ATL1: variants seen among roughly 807,000 people sequenced by gnomAD.
ATL1 encodes atlastin-1.
Under a neutral mutation model 75.5 loss-of-function variants are expected in ATL1, and 31 were observed. The observed-to-expected ratio is 0.41, with a 90% CI of 0.31 to 0.55. ATL1 has a LOEUF of 0.55. ATL1 is among the 20% of genes least tolerant of loss of function. The pLI is 0.27. For missense variants in ATL1, 405 were observed against 662.6 expected, an observed-to-expected ratio of 0.61 and a Z score of 4.27; for synonymous variants, 226 against 233.3, an observed-to-expected ratio of 0.97 and a Z score of 0.28.
At chr14:50,553,413 T>A (rs115723106) in intron 1 of ATL1, among the ~76,000 whole-genome samples, 2,148 of 151,876 alleles carry the variant, frequency 0.014, 41 homozygotes, top group African/African-American at 0.049. Flanking sequence ...ACAACCTCAT[T>A]CCTGCAGGAA....
At chr14:50,624,483 T>A (rs950936442) in intron 11 of ATL1, among the ~76,000 whole-genome samples, 1 of 152,052 alleles carries the variant, frequency 6.6e-6, no homozygotes, top group Non-Finnish European at 1.5e-5. Context: ...TCGATAAATG[T>A]GTTTTCTGAC....
At chr14:50,574,504 A>G (rs933248260) in intron 1 of ATL1, among the ~76,000 whole-genome samples, 3 of 152,174 alleles carry the variant, frequency 2.0e-5, no homozygotes, top group African/African-American at 7.2e-5. Context: ...AAGAGTAATC[A>G]TCCATTTTCA....
chr14:50,626,015 T>C (rs140887342), intron 11 of ATL1, among the ~76,000 whole-genome samples: 7 of 152,350 alleles, frequency 4.6e-5, no homozygotes, highest in Admixed American at 2.6e-4. Context: ...TACTGAATAC[T>C]TTAAGCCCAC....
At chr14:50,579,380 T>C (rs1168905821) in intron 1 of ATL1, among the ~76,000 whole-genome samples, 1 of 152,226 alleles carries the variant, frequency 6.6e-6, no homozygotes. Flanking sequence ...TTCATTACCA[T>C]AGATTTTAAT....
chr14:50,577,920 G>T (rs1378784613), intron 1 of ATL1, among the ~76,000 whole-genome samples: 3 of 152,094 alleles, frequency 2.0e-5, no homozygotes, highest in African/African-American at 7.2e-5. Flanking sequence ...GCCATTTAGA[G>T]TGTAGCTTTT....
At chr14:50,594,664 G>C (rs2039195312) in intron 5 of ATL1, among the ~76,000 whole-genome samples, 1 of 152,070 alleles carries the variant, frequency 6.6e-6, no homozygotes, top group African/African-American at 2.4e-5. Flanking sequence ...TTATGCTCTG[G>C]GCACAGTATA....
chr14:50,614,228 A>G (rs543016813), intron 7 of ATL1, 145 bp from the exon 8 acceptor site: 1 of 904,780 alleles, frequency 1.1e-6, no homozygotes, highest in Admixed American at 2.1e-5. Context: ...CCCACCCAAG[A>G]CTTTCTTCTT....
At chr14:50,586,802 G>C (rs1158585880) in intron 1 of ATL1, among the ~76,000 whole-genome samples, 1 of 152,050 alleles carries the variant, frequency 6.6e-6, no homozygotes, top group Non-Finnish European at 1.5e-5. Context: ...TGTGAACTTG[G>C]ACCTGTAATC....
intron 7 of ATL1, among the ~76,000 whole-genome samples, chr14:50,613,893 G>C (rs946053630): frequency 1.3e-5 from 2 of 152,184 alleles, no homozygotes; most frequent in Non-Finnish European, 2.9e-5. Context: ...TTTACATAAA[G>C]TGGGAGGTGA....
At chr14:50,602,996 C>T (rs980632969) in intron 6 of ATL1, among the ~76,000 whole-genome samples, 2 of 152,154 alleles carry the variant, frequency 1.3e-5, no homozygotes, top group Admixed American at 6.6e-5. Flanking sequence ...CACACTCCAG[C>T]AGACAGCATC....
chr14:50,624,032 G>GCAA (rs1011920940), intron 11 of ATL1, among the ~76,000 whole-genome samples: 10 of 152,170 alleles, frequency 6.6e-5, no homozygotes, highest in African/African-American at 2.4e-4. Context: ...TCCAGCCTGG[G>GCAA]CAACAGAGCA....
intron 13 of ATL1, chr14:50,630,924 A>G: frequency 2.2e-6 from 1 of 455,830 alleles, no homozygotes; most frequent in South Asian, 1.6e-5. Context: ...ACCAATATAC[A>G]TTCACAGATC....
chr14:50,615,092 A>ATGT lies in ATL1; in HGVS notation c.862+581_862+582insTGT, dbSNP rs1322015527. ...AGAGGACTGATTGTTACATGATTCC[A>ATGT]AAGCAGCTTGACTTGTTAAACAAAC... On this transcript the variant is annotated intron_variant, in intron 8 of 13. Transcript: ENST00000358385. 1.5e-4 allele frequency among the ~76,000 whole-genome samples: 23 copies of ATGT among 152,336 alleles called. No homozygotes were observed. The East Asian group carries it at 4.2e-3, about 28-fold the overall frequency.
At chr14:50,589,155 CTTTTTTTTTTTTTTTT>C (rs34191629) in intron 2 of ATL1, among the ~76,000 whole-genome samples, 1 of 109,428 alleles carries the variant, frequency 9.1e-6, no homozygotes, top group Non-Finnish European at 1.9e-5. Flanking sequence ...TTCTTTCTTT[CTTTTTTTTTTTTTTTT>C]TTTTTGATAC....
In ATL1 at chr14:50,546,485, A is replaced by G. The variant is rs149391296; in HGVS notation, c.-140+13118A>G. ...CAACTTGGCTTATAAGTAAATGAGT[A>G]CTCACACATTAAGGTAAAGTCAAGT... On this transcript the variant is annotated intron_variant, in intron 1 of 13. Transcript: ENST00000441560. Among the ~76,000 whole-genome samples, 402 of 152,292 alleles carry G rather than the reference A, an allele frequency of 2.6e-3. 2 individuals are homozygous for G. Among genetic ancestry groups the G allele is most frequent in the African/African-American group, 9.1e-3 (376 of 41,546 alleles).
intron 1 of ATL1, among the ~76,000 whole-genome samples, chr14:50,534,095 A>G (rs370398229): frequency 1.3e-5 from 2 of 152,192 alleles, no homozygotes; most frequent in East Asian, 3.8e-4. Context: ...GTATCTTAGC[A>G]CTTGTTTACT....
At chr14:50,627,187 C>T (rs1373697717) in intron 11 of ATL1, among the ~76,000 whole-genome samples, 1 of 152,210 alleles carries the variant, frequency 6.6e-6, no homozygotes, top group Non-Finnish European at 1.5e-5. Flanking sequence ...AGAGCCTCCA[C>T]CAGCAAAAAG....
At position 50,592,927 on chromosome 14, in the gene ATL1, A is replaced by T. The variant is rs796734441; in HGVS notation, c.523-919A>T. Among the ~76,000 whole-genome samples, 219 of 99,274 alleles carry T rather than the reference A, an allele frequency of 2.2e-3. 2 individuals carry two copies. The highest frequency in any genetic ancestry group is 5.5e-3 in the Admixed American group (58 of 10,540). 65.1% of individuals were successfully genotyped at this position (99,274 alleles called of 152,430 possible). A position where few individuals can be genotyped will look rare whatever the true frequency, so the allele number is the denominator to read the frequency against. On this transcript the variant is annotated intron_variant, in intron 4 of 13. Coordinates refer to ENST00000358385, the MANE Select transcript of ATL1 (RefSeq NM_015915.5). ...GACTCCCGTCTCAAAAAAAAAAAAA[A>T]AAATATATATATATATATATGTGTG... is the stretch of plus-strand genomic sequence containing the variant.
At chr14:50,574,937 GTATATATATATATATATATA>G (rs71118894) in intron 1 of ATL1, among the ~76,000 whole-genome samples, 1 of 23,156 alleles carries the variant, frequency 4.3e-5, no homozygotes, top group Non-Finnish European at 7.8e-5. Flanking sequence ...GTGTGTGTGT[GTATATATATATATATATATA>G]TATATATATA....
Sources: allele counts gnomAD v4.1 joint callset (sites outside exome capture counted in the v4.1 genomes callset), GRCh38; gene constraint gnomAD v4.1.1; transcripts MANE v1.5; gene names NCBI Gene and HGNC (gene_info 2026-07-23, HGNC 2026-07-21).